The following TRAPPC9 variants were observed in gnomAD, a reference collection of about 807,000 sequenced individuals.
The protein encoded by TRAPPC9 is IKK2 binding protein.
Under a neutral mutation model 124.0 loss-of-function variants are expected in TRAPPC9, and 83 were observed. The ratio of observed to expected loss-of-function variants is 0.67; its 90% confidence interval spans 0.56 to 0.80. The LOEUF is 0.80. Ranked by LOEUF, TRAPPC9 falls within the 30% of genes least tolerant of loss-of-function variation. The probability of loss-of-function intolerance (pLI) is 0.00; values close to 1 mark genes in which losing one functional copy is unlikely to be tolerated. For synonymous variants in TRAPPC9, 638 were observed against 617.5 expected (o/e 1.03, Z -0.49); for missense variants, 1,302 against 1,508.3 (o/e 0.86, Z 2.27).
chr8:140,404,872 G>C (rs187684866), intron 6 of TRAPPC9, among the ~76,000 whole-genome samples: 1 of 151,774 alleles, frequency 6.6e-6, no homozygotes, highest in Non-Finnish European at 1.5e-5. Flanking sequence ...GTGAGCATGC[G>C]CGTGTAAGTG....
intron 19 of TRAPPC9, among the ~76,000 whole-genome samples, chr8:139,916,805 A>G (rs1832162882): frequency 6.6e-6 from 1 of 152,274 alleles, no homozygotes; most frequent in Non-Finnish European, 1.5e-5. Flanking sequence ...AATGACATTT[A>G]AATACAAATC....
At chr8:140,247,936 A>G (rs1453785354) in intron 16 of TRAPPC9, among the ~76,000 whole-genome samples, 1 of 151,330 alleles carries the variant, frequency 6.6e-6, no homozygotes, top group East Asian at 1.9e-4. Context: ...ATTCTTTTGT[A>G]CTTCTTCTTC....
intron 21 of TRAPPC9, among the ~76,000 whole-genome samples, chr8:139,795,854 A>C (rs547366908): frequency 2.0e-4 from 30 of 152,264 alleles, no homozygotes; most frequent in Admixed American, 1.8e-3. Context: ...CACGGAGGGA[A>C]CTGGATCCCA....
chr8:139,900,158 G>T (rs918158854), intron 20 of TRAPPC9, among the ~76,000 whole-genome samples: 1 of 152,204 alleles, frequency 6.6e-6, no homozygotes, highest in Non-Finnish European at 1.5e-5. Context: ...CTCACAGCTT[G>T]CTTTTCCTGT....
In TRAPPC9 at chr8:140,299,557, G is replaced by A. The variant is rs546275401; in HGVS notation, c.1768+912C>T. Among the ~76,000 whole-genome samples the A allele has an allele frequency of 1.2e-4, 18 of 152,390 alleles. No homozygotes were observed. In the South Asian group the frequency reaches 3.7e-3, roughly 32 times the overall value. On this transcript the variant is annotated intron_variant, in intron 11 of 22. Coordinates refer to ENST00000438773, the MANE Select transcript of TRAPPC9 (RefSeq NM_001160372.4). ...ACACTCCTCGGAGGCCCCGGCAGTCGCCAAGCAGCGGCCAGCCTCCAGGCC... is the reference window on the plus strand; with the variant it reads ...ACACTCCTCGGAGGCCCCGGCAGTCACCAAGCAGCGGCCAGCCTCCAGGCC...
chr8:140,373,131 G>A (rs112369730), intron 7 of TRAPPC9, among the ~76,000 whole-genome samples: 3,585 of 152,290 alleles, frequency 0.024, 60 homozygotes, highest in South Asian at 0.069. Context: ...CACTCTTGTG[G>A]CAGAGGATAC....
At chr8:139,792,884 A>G (rs574244882) in intron 21 of TRAPPC9, among the ~76,000 whole-genome samples, 1 of 152,374 alleles carries the variant, frequency 6.6e-6, no homozygotes, top group African/African-American at 2.4e-5. Context: ...CAGGGAAGCA[A>G]GAGGAATACA....
intron 21 of TRAPPC9, among the ~76,000 whole-genome samples, chr8:139,813,781 C>G (rs929788768): frequency 1.3e-5 from 2 of 152,194 alleles, no homozygotes; most frequent in Non-Finnish European, 2.9e-5. Flanking sequence ...CCCTAAGGAG[C>G]CCACAGAATC....
chr8:139,769,499 C>T (rs574468139), intron 21 of TRAPPC9, among the ~76,000 whole-genome samples: 45 of 152,290 alleles, frequency 3.0e-4, no homozygotes, highest in African/African-American at 9.1e-4. Context: ...TTAAAACCTA[C>T]GAATTGTTTA....
At chr8:139,846,774 T>C (rs1827112829) in intron 21 of TRAPPC9, among the ~76,000 whole-genome samples, 1 of 152,142 alleles carries the variant, frequency 6.6e-6, no homozygotes, top group Admixed American at 6.5e-5. Context: ...CCTGCTGTGC[T>C]GGGGCTGTGC....
At position 139,907,955 on chromosome 8, in the gene TRAPPC9, A is replaced by G. The variant is rs1831466798; in HGVS notation, c.2964+2192T>C. Among the ~76,000 whole-genome samples, 1 of 152,124 alleles carries G rather than the reference A, an allele frequency of 6.6e-6. No individual in the cohort carries two copies. Among genetic ancestry groups the G allele is most frequent in the Admixed American group, 6.6e-5 (1 of 15,266 alleles). On this transcript the variant is annotated intron_variant, in intron 20 of 22. Transcript: ENST00000438773. The surrounding 1 kb of genome is among the most constrained non-coding windows in gnomAD (Gnocchi z 4.7). Reference sequence around the variant, plus strand: ...AAGTGGAGTCACAGTTTTCATCTGCAAGACGGGAAGACAGGATAATGAAAC... The same window carrying G: ...AAGTGGAGTCACAGTTTTCATCTGCGAGACGGGAAGACAGGATAATGAAAC...
At chr8:139,760,862 C>T (rs1363712572) in intron 21 of TRAPPC9, among the ~76,000 whole-genome samples, 1 of 152,188 alleles carries the variant, frequency 6.6e-6, no homozygotes, top group Non-Finnish European at 1.5e-5. Flanking sequence ...AACCATCTCC[C>T]ACCAGGCCCC....
intron 21 of TRAPPC9, among the ~76,000 whole-genome samples, chr8:139,747,506 G>A (rs541966689): frequency 5.4e-4 from 65 of 121,316 alleles, no homozygotes; most frequent in African/African-American, 1.9e-3. Flanking sequence ...CAGGATCAGA[G>A]AAGATGCAGG....
intron 8 of TRAPPC9, among the ~76,000 whole-genome samples, chr8:140,362,669 A>C (rs1248804959): frequency 1.3e-5 from 2 of 152,240 alleles, no homozygotes; most frequent in East Asian, 3.8e-4. Flanking sequence ...GCAATATTCC[A>C]CATTGTCAAA....
rs200408554 is a variant in TRAPPC9, at chr8:140,300,459, G to T, written c.1768+10C>A. The T allele has an allele frequency of 1.2e-6, 2 of 1,614,036 alleles. No homozygotes were observed. The highest frequency in any genetic ancestry group is 2.2e-5 in the East Asian group (1 of 44,872). On this transcript the variant is annotated intron_variant, in intron 11 of 22. Coordinates refer to ENST00000438773, the MANE Select transcript of TRAPPC9 (RefSeq NM_001160372.4). Reference sequence around the variant, plus strand: ...AGAGCACGGTGGGAAAGCCAGGATCGACGTCCTACCTATTTTCTTGTTCCG... The same window carrying T: ...AGAGCACGGTGGGAAAGCCAGGATCTACGTCCTACCTATTTTCTTGTTCCG...
intron 13 of TRAPPC9, among the ~76,000 whole-genome samples, chr8:140,285,631 G>A (rs760971405): frequency 4.6e-5 from 7 of 151,756 alleles, no homozygotes; most frequent in Non-Finnish European, 1.0e-4. Context: ...ACCACCCCCA[G>A]GTCCCCCAAA....
rs576128545 is a variant in TRAPPC9, at chr8:139,825,516, A to G, written c.3055+60363T>C. ...CCCATGCCCAACCTCAGACCTCAGG[A>G]TCTGAATCTCCACTCAGAGAATCTC... On this transcript the variant is annotated intron_variant, in intron 21 of 22. Coordinates refer to ENST00000438773, the MANE Select transcript of TRAPPC9 (RefSeq NM_001160372.4). The surrounding 1 kb of genome is among the most constrained non-coding windows in gnomAD (Gnocchi z 4.6). Among the ~76,000 whole-genome samples, 18 of 152,284 alleles carry G rather than the reference A, an allele frequency of 1.2e-4. No individual in the cohort carries two copies. The South Asian group carries it at 3.5e-3, about 30-fold the overall frequency.
At chr8:139,861,465 C>T (rs1047333768) in intron 21 of TRAPPC9, among the ~76,000 whole-genome samples, 2 of 152,094 alleles carry the variant, frequency 1.3e-5, no homozygotes, top group Admixed American at 1.3e-4. Flanking sequence ...GATTGGGTGA[C>T]CAGGGGAACA....
chr8:139,789,680 G>A (rs551226866), intron 21 of TRAPPC9, among the ~76,000 whole-genome samples: 1 of 152,264 alleles, frequency 6.6e-6, no homozygotes, highest in South Asian at 2.1e-4. Context: ...CTTTGCTCCC[G>A]AGTGCCCTGT....
Sources: allele counts gnomAD v4.1 joint callset (sites outside exome capture counted in the v4.1 genomes callset), GRCh38; gene constraint gnomAD v4.1.1; non-coding constraint Gnocchi (gnomAD v3.1); transcripts MANE v1.5; gene names NCBI Gene and HGNC (gene_info 2026-07-23, HGNC 2026-07-21).